NGLY1: variants seen among roughly 807,000 people sequenced by gnomAD.
NGLY1 encodes the protein N-glycanase 1.
NGLY1 carries 68 observed loss-of-function variants against 84.6 expected under a neutral mutation model. The ratio of observed to expected loss-of-function variants is 0.80; its 90% CI spans 0.66 to 0.98. The LOEUF (loss-of-function observed/expected upper bound fraction) is 0.98. Ranked by LOEUF, NGLY1 falls within the 50% of genes least tolerant of loss-of-function variation. The pLI is 0.00. For synonymous variants in NGLY1, 280 were observed against 275.2 expected (o/e 1.02, Z -0.17); for missense variants, 779 against 770.2 (o/e 1.01, Z -0.14).
At chr3:25,719,962 T>C (rs1304456629) in intron 11 of NGLY1, 52 bp downstream of exon 11, 1 of 1,479,710 alleles carries the variant, frequency 6.8e-7, no homozygotes, top group East Asian at 2.3e-5. Context: ...ACAATTAGTC[T>C]TCAGAGTGGT....
In NGLY1 at chr3:25,719,471, T is replaced by C. The variant is rs1205548216; in HGVS notation, c.1954A>G (p.Ser652Gly). The C allele has an allele frequency of 3.7e-6, 6 of 1,613,482 alleles. No individual in the cohort carries two copies. In the African/African-American group the frequency reaches 5.3e-5, roughly 14 times the overall value. Residue 652 changes from serine (S) to glycine (G), a missense_variant, in exon 12 of 12, where the codon AGT becomes GGT. Physicochemically the swap from Ser to Gly is moderately conservative, Grantham distance 56. Coordinates refer to ENST00000280700, the MANE Select transcript of NGLY1 (RefSeq NM_018297.4). Reference sequence around the variant, plus strand: ...TAATGTTCAGGTTCTCAAAGGTCACTGAATTTTATAATTATCTCCAAACAA... The same window carrying C: ...TAATGTTCAGGTTCTCAAAGGTCACCGAATTTTATAATTATCTCCAAACAA... ...ENCLEIIIKF[S>G]DL
rs1559556798 is a variant in NGLY1 at position 25,772,692 on chromosome 3, T to C, written c.246+5882A>G. ...CATGCTAGTTGTTGTGTGAATACTT[T>C]GTTTTTTTTTCATTATTTATTGTTT... On this transcript the variant is annotated intron_variant, in intron 2 of 11. Coordinates refer to ENST00000280700, the MANE Select transcript of NGLY1 (RefSeq NM_018297.4). Among the ~76,000 whole-genome samples the C allele has an allele frequency of 5.6e-5, 4 of 71,512 alleles. 1 individual carries two copies. Among genetic ancestry groups the C allele is most frequent in the Admixed American group, 1.7e-4 (1 of 5,876 alleles). 46.9% of individuals were successfully genotyped at this position (71,512 alleles called of 152,430 possible).
chr3:25,730,882 T>C (rs550272450), intron 9 of NGLY1, among the ~76,000 whole-genome samples: 1 of 152,172 alleles, frequency 6.6e-6, no homozygotes, highest in African/African-American at 2.4e-5. Flanking sequence ...TTCAAGCATT[T>C]TTCATTGCAT....
intron 10 of NGLY1, among the ~76,000 whole-genome samples, chr3:25,721,451 T>C (rs1268872786): frequency 3.3e-5 from 5 of 152,138 alleles, no homozygotes; most frequent in Admixed American, 3.3e-4. Flanking sequence ...ATCTATTAGC[T>C]TTAAAAATCC....
At chr3:25,722,132 T>A (rs183180457) in intron 10 of NGLY1, among the ~76,000 whole-genome samples, 1 of 151,858 alleles carries the variant, frequency 6.6e-6, no homozygotes, top group African/African-American at 2.4e-5. Flanking sequence ...ACATGAATAT[T>A]GCTTGAACTA....
chr3:25,729,055 C>T (rs1421554751), intron 10 of NGLY1, 78 bp downstream of exon 10: 3 of 1,017,352 alleles, frequency 2.9e-6, no homozygotes, highest in Admixed American at 6.2e-5. Flanking sequence ...TCATATTTTA[C>T]ACAACTGAAA....
intron 3 of NGLY1, among the ~76,000 whole-genome samples, chr3:25,751,982 G>A (rs570952858): frequency 6.6e-6 from 1 of 152,144 alleles, no homozygotes; most frequent in African/African-American, 2.4e-5. Flanking sequence ...TGTGCAACAT[G>A]TACTGCCCTT....
intron 10 of NGLY1, among the ~76,000 whole-genome samples, chr3:25,722,264 T>A (rs1196519106): frequency 1.1e-5 from 1 of 91,996 alleles, no homozygotes; most frequent in African/African-American, 2.8e-5. Flanking sequence ...ATTAAAGATC[T>A]GTATACACAC....
At position 25,776,886 on chromosome 3, in the gene NGLY1, C is replaced by G. The variant is rs979135140; in HGVS notation, c.246+1688G>C. Among the ~76,000 whole-genome samples, 4 of 152,142 alleles carry G rather than the reference C, an allele frequency of 2.6e-5. No individual in the cohort carries two copies. In the South Asian group the frequency reaches 8.3e-4, roughly 31 times the overall value. On this transcript the variant is annotated intron_variant, in intron 2 of 11. Coordinates refer to ENST00000280700, the MANE Select transcript of NGLY1 (RefSeq NM_018297.4). ...TTGAGTACCTAACATCTGTAATGCA[C>G]CAGCATTATTCCAGGAGCTAGCAAC...
intron 3 of NGLY1, among the ~76,000 whole-genome samples, chr3:25,763,138 A>G (rs967439341): frequency 3.3e-5 from 5 of 152,182 alleles, no homozygotes; most frequent in Admixed American, 1.3e-4. Flanking sequence ...AGAAAAAAAC[A>G]AAACAAAAGA....
intron 2 of NGLY1, among the ~76,000 whole-genome samples, chr3:25,775,915 T>C (rs1262317798): frequency 6.6e-6 from 1 of 152,258 alleles, no homozygotes. Context: ...TACTCAGATA[T>C]GTTCATTACA....
At chr3:25,741,419 A>G (rs1706134325) in intron 4 of NGLY1, among the ~76,000 whole-genome samples, 1 of 152,098 alleles carries the variant, frequency 6.6e-6, no homozygotes, top group South Asian at 2.1e-4. Flanking sequence ...CTGTTTCAAT[A>G]AATGATATTA....
chr3:25,776,245 G>A (rs1009363712), intron 2 of NGLY1, among the ~76,000 whole-genome samples: 1 of 152,190 alleles, frequency 6.6e-6, no homozygotes, highest in Non-Finnish European at 1.5e-5. Context: ...GACTTTCATT[G>A]CTAAAACCAG....
rs770441965 is a variant in NGLY1 at position 25,739,860 on chromosome 3, C to T, written c.659-61G>A. 2.2e-4 allele frequency: 275 copies of T among 1,229,568 alleles called. 1 individual carries two copies. Among genetic ancestry groups the T allele is most frequent in the Non-Finnish European group, 3.1e-4 (269 of 869,534 alleles). 76.2% of individuals were successfully genotyped at this position (1,229,568 alleles called of 1,614,324 possible). A position where few individuals can be genotyped will look rare whatever the true frequency, so the allele number is the denominator to read the frequency against. ...ACTGACAAAATTTAAACTATCCAAA[C>T]ATATTTATTCTCAAATACGAACCTG... On this transcript the variant is annotated intron_variant, in intron 4 of 11. Coordinates refer to ENST00000280700, the MANE Select transcript of NGLY1 (RefSeq NM_018297.4).
rs1370637034 is a variant in NGLY1, at chr3:25,733,407, C to T, written c.1260+465G>A. Among the ~76,000 whole-genome samples, 2 of 151,942 alleles carry T rather than the reference C, an allele frequency of 1.3e-5. 1 individual carries two copies. Among genetic ancestry groups the T allele is most frequent in the South Asian group, 4.2e-4 (2 of 4,812 alleles). ...ATCTTGGAACTCCAGTTCCTCCTCT[C>T]AGAAGTAGTCATTGTTAATAACTTC... On this transcript the variant is annotated intron_variant, in intron 8 of 11. Transcript: ENST00000280700.
rs754852315 is a variant in NGLY1 at position 25,732,473 on chromosome 3, A to G, written c.1271T>C (p.Phe424Ser). ...TTCTTTCCTTCTGTTTTCTGACAAAAACAGTTGCCTCTGTAATTCATGTTT... is the reference window on the plus strand; with the variant it reads ...TTCTTTCCTTCTGTTTTCTGACAAAGACAGTTGCCTCTGTAATTCATGTTT... The part of the protein sequence containing the change: ...INGLNKQRQL[F>S]LSENRRKELL... Residue 424 changes from phenylalanine to serine, a missense_variant, in exon 9 of 12, where the codon TTT becomes TCT. By Grantham distance (155) the Phe-to-Ser change is radical. Coordinates refer to ENST00000280700, the MANE Select transcript of NGLY1 (RefSeq NM_018297.4). The G allele has an allele frequency of 1.9e-6, 3 of 1,612,726 alleles. No individual in the cohort carries two copies. The highest frequency in any genetic ancestry group is 2.2e-5 in the South Asian group (2 of 90,914).
intron 2 of NGLY1, among the ~76,000 whole-genome samples, chr3:25,776,216 G>A (rs79826572): frequency 0.022 from 3,333 of 152,278 alleles, 137 homozygotes; most frequent in African/African-American, 0.076. Context: ...CTGAGACCGA[G>A]GGGTTTTCTG....
chr3:25,783,537 GGGTCCTCGGCCGGC>G (rs1708526956), upstream of NGLY1: 1 of 379,774 alleles, frequency 2.6e-6, no homozygotes, highest in Non-Finnish European at 4.4e-6. This position sits in a 1 kb window ranked among gnomAD's most constrained non-coding sequence, Gnocchi z 4.5. Context: ...GGCAGGGGCG[GGGTCCTCGGCCGGC>G]AGGGGCGGGG....
intron 3 of NGLY1, among the ~76,000 whole-genome samples, chr3:25,751,904 C>A (rs948830860): frequency 6.6e-6 from 1 of 152,094 alleles, no homozygotes; most frequent in African/African-American, 2.4e-5. Context: ...AGTAAGTGTG[C>A]ATACTTAGAG....
Sources: gnomAD v4.1 joint callset for allele counts (sites outside exome capture counted in the v4.1 genomes callset) on GRCh38, gnomAD v4.1.1 for gene constraint, Gnocchi (gnomAD v3.1) non-coding constraint, MANE v1.5 for transcripts, NCBI Gene and HGNC (gene_info 2026-07-23, HGNC 2026-07-21) for gene names.